The following NLK variants were observed in gnomAD, a reference collection of about 807,000 sequenced individuals.
NLK encodes serine/threonine-protein kinase NLK.
In NLK, 11 loss-of-function variants were observed where a neutral mutation model predicts 59.0. The ratio of observed to expected loss-of-function variants is 0.19; its 90% confidence interval spans 0.12 to 0.31. NLK has a LOEUF of 0.31. NLK is among the 10% of genes least tolerant of loss of function. The pLI is 1.00. For synonymous variants in NLK, 235 were observed against 235.9 expected (o/e 1.00, Z 0.03); for missense variants, 410 against 661.1 (o/e 0.62, Z 4.16).
chr17:28,161,394 G>C (rs1907998277), intron 4 of NLK, 128 bp downstream of exon 4: 1 of 566,014 alleles, frequency 1.8e-6, no homozygotes, highest in African/African-American at 1.9e-5. Flanking sequence ...TTTGACCAAA[G>C]CATATTTTAT....
intron 3 of NLK, among the ~76,000 whole-genome samples, chr17:28,156,490 A>G (rs1186276099): frequency 6.6e-6 from 1 of 152,142 alleles, no homozygotes; most frequent in Non-Finnish European, 1.5e-5. Context: ...ACACGTATGT[A>G]TGGTTATTAT....
chr17:28,120,229 G>T (rs952975837), intron 1 of NLK, among the ~76,000 whole-genome samples: 1 of 141,768 alleles, frequency 7.1e-6, no homozygotes, highest in Admixed American at 7.4e-5. Context: ...TGCAGATTTG[G>T]CTTGGGGTGT....
chr17:28,049,945 A>G (rs1242832934), intron 1 of NLK, among the ~76,000 whole-genome samples: 2 of 152,084 alleles, frequency 1.3e-5, no homozygotes, highest in African/African-American at 4.8e-5. Flanking sequence ...GTGCCGTTTC[A>G]CTCCAGCCTG....
chr17:28,061,858 A>G (rs1277408583), intron 1 of NLK: 1 of 145,830 alleles, frequency 6.9e-6, no homozygotes, highest in African/African-American at 2.5e-5. Context: ...AATATATAAT[A>G]TATACATATA....
chr17:28,157,021 T>G (rs575504726), intron 3 of NLK, among the ~76,000 whole-genome samples: 40 of 151,514 alleles, frequency 2.6e-4, no homozygotes, highest in Non-Finnish European at 3.1e-4. Context: ...TTGTGGGGGG[T>G]TTTGTTTGTT....
intron 1 of NLK, among the ~76,000 whole-genome samples, chr17:28,078,761 T>C (rs927149668): frequency 5.9e-5 from 9 of 152,282 alleles, no homozygotes; most frequent in South Asian, 4.1e-4. Context: ...TTATAAACCA[T>C]GGTTTATAGC....
chr17:28,173,718 A>C (rs1908562232), intron 7 of NLK, among the ~76,000 whole-genome samples: 2 of 152,216 alleles, frequency 1.3e-5, no homozygotes, highest in South Asian at 4.1e-4. Context: ...AACCTAGAGG[A>C]AAGTTCTATA....
intron 8 of NLK, among the ~76,000 whole-genome samples, chr17:28,188,904 G>T (rs1388747525): frequency 6.6e-6 from 1 of 152,022 alleles, no homozygotes; most frequent in Non-Finnish European, 1.5e-5. Flanking sequence ...CTCCTGAACT[G>T]AAATGATGAC....
intron 1 of NLK, among the ~76,000 whole-genome samples, chr17:28,093,062 G>A (rs1486412034): frequency 1.3e-5 from 2 of 151,858 alleles, no homozygotes; most frequent in Admixed American, 1.3e-4. Context: ...CAAAGTGCTG[G>A]GATTACAGGC....
chr17:28,189,089 T>G (rs893561576), intron 8 of NLK, among the ~76,000 whole-genome samples: 6 of 151,620 alleles, frequency 4.0e-5, no homozygotes, highest in Non-Finnish European at 7.4e-5. Flanking sequence ...CAGGTCACCA[T>G]CAAAAAGCAG....
At chr17:28,117,528 G>A (rs907259961) in intron 1 of NLK, among the ~76,000 whole-genome samples, 2 of 152,166 alleles carry the variant, frequency 1.3e-5, no homozygotes, top group Non-Finnish European at 2.9e-5. Context: ...ATTAAACACA[G>A]AGTTAGAGGA....
intron 5 of NLK, 65 bp from the exon 6 acceptor site, chr17:28,168,383 G>A (rs1421410902): frequency 1.8e-6 from 2 of 1,141,390 alleles, no homozygotes; most frequent in African/African-American, 1.6e-5. Context: ...TCAAAATTTT[G>A]ATGTTTTGTT....
chr17:28,055,980 C>T (rs1269305970), intron 1 of NLK, among the ~76,000 whole-genome samples: 1 of 152,234 alleles, frequency 6.6e-6, no homozygotes, highest in East Asian at 1.9e-4. Flanking sequence ...TCCTTATTAT[C>T]AGAGTAATAG....
intron 2 of NLK, among the ~76,000 whole-genome samples, chr17:28,126,206 T>C (rs1028667120): frequency 6.6e-6 from 1 of 152,228 alleles, no homozygotes; most frequent in Non-Finnish European, 1.5e-5. Context: ...GCTGTGTGCA[T>C]AGCAAAGAGC....
the NLK span, among the ~76,000 whole-genome samples, chr17:28,203,854 C>T: frequency 0.014 from 2,125 of 152,276 alleles, 43 homozygotes; most frequent in African/African-American, 0.044. Context: ...TCTTTCTCGT[C>T]GCCCCAGTGC....
At chr17:28,056,518 T>C (rs2142741024) in intron 1 of NLK, among the ~76,000 whole-genome samples, 1 of 152,324 alleles carries the variant, frequency 6.6e-6, no homozygotes, top group South Asian at 2.1e-4. Flanking sequence ...ATGAAAACTC[T>C]ATATAAATGA....
At chr17:28,061,769 TATATAC>T (rs995557826) in intron 1 of NLK, among the ~76,000 whole-genome samples, 9 of 146,688 alleles carry the variant, frequency 6.1e-5, no homozygotes, top group East Asian at 2.0e-4. Context: ...CACATATACA[TATATAC>T]ATATACATAT....
At chr17:28,090,552 A>G (rs530036134) in intron 1 of NLK, among the ~76,000 whole-genome samples, 1 of 151,814 alleles carries the variant, frequency 6.6e-6, no homozygotes, top group African/African-American at 2.4e-5. Context: ...TCTTTATAGC[A>G]TCTCCATTTT....
chr17:28,149,244 T>G (rs1907384140), intron 3 of NLK, among the ~76,000 whole-genome samples: 1 of 152,134 alleles, frequency 6.6e-6, no homozygotes, highest in South Asian at 2.1e-4. Flanking sequence ...TAAATTTTTT[T>G]GTAGAGACGG....
Sources: gnomAD v4.1 joint callset for allele counts (sites outside exome capture counted in the v4.1 genomes callset) on GRCh38, gnomAD v4.1.1 for gene constraint, MANE v1.5 for transcripts, NCBI Gene and HGNC (gene_info 2026-07-23, HGNC 2026-07-21) for gene names.